The following TPP2 variants were observed in gnomAD, a reference collection of about 807,000 sequenced individuals.
TPP2 encodes the protein tripeptidyl peptidase 2, also known as tripeptidyl-peptidase 2.
A neutral mutation model predicts 155.9 loss-of-function variants in TPP2; 34 were observed. The ratio of observed to expected loss-of-function variants is 0.22; its 90% CI spans 0.17 to 0.29. TPP2 has a LOEUF of 0.29. Among genes scored for constraint, TPP2 ranks in the 10% least tolerant of loss-of-function variants. The pLI is 1.00. For synonymous variants in TPP2, 510 were observed against 529.4 expected (o/e 0.96, Z 0.50); for missense variants, 1,028 against 1,522.3 (o/e 0.68, Z 5.40).
chr13:102,622,665 T>G (rs112403619), intron 5 of TPP2, among the ~76,000 whole-genome samples: 7 of 152,264 alleles, frequency 4.6e-5, no homozygotes, highest in African/African-American at 1.7e-4. Flanking sequence ...TTTAAAGCAC[T>G]TTGTGCATGA....
intron 25 of TPP2, 56 bp from the exon 26 acceptor site, chr13:102,663,592 C>A: frequency 8.0e-7 from 1 of 1,243,724 alleles, no homozygotes; most frequent in Middle Eastern, 2.2e-4. Flanking sequence ...ATAGAGAAGA[C>A]AAATAGTCTT....
rs370978141 is a variant in TPP2 at position 102,636,371 on chromosome 13, C to T, written c.1657C>T (p.Pro553Ser). ...APSDHGVGIE[P>S]VFPENTENSE... ...TTCAGATCATGGCGTTGGCATTGAACCTGTATTTCCGGAGAACACAGGTCA... is the reference window on the plus strand; with the variant it reads ...TTCAGATCATGGCGTTGGCATTGAATCTGTATTTCCGGAGAACACAGGTCA... Residue 553 changes from proline to serine, a missense_variant, in exon 13 of 30, where the codon CCT becomes TCT. By Grantham distance (74) the Pro-to-Ser change is moderately conservative. Coordinates refer to ENST00000376052, the MANE Select transcript of TPP2 (RefSeq NM_001330588.2). The T allele has an allele frequency of 2.8e-5, 45 of 1,612,776 alleles. No individual in the cohort carries two copies. Among genetic ancestry groups the T allele is most frequent in the Non-Finnish European group, 3.7e-5 (44 of 1,179,626 alleles).
At chr13:102,607,355 A>G (rs1038956918) in intron 2 of TPP2, among the ~76,000 whole-genome samples, 3 of 152,176 alleles carry the variant, frequency 2.0e-5, no homozygotes, top group Admixed American at 2.0e-4. Context: ...TGCCAACATG[A>G]CACTCAAAGG....
chr13:102,664,892 C>T lies in TPP2; in HGVS notation c.3338C>T (p.Thr1113Ile). ...CTAGCAGTTTATATTGCAATGAAGA[C>T]TGATCCCAGGCCTGATGCAGCTACT... ...TALAVYIAMK[T>I]DPRPDAATIK... Residue 1113 changes from threonine (T) to isoleucine (I), a missense_variant, in exon 27 of 30, where the codon ACT (threonine) becomes ATT (isoleucine). Physicochemically the swap from Thr to Ile is moderately conservative, Grantham distance 89. Around this residue, in one of 7 missense-constraint regions of TPP2, gnomAD observed 116 missense variants for 117.3 expected, o/e 0.99. Transcript: ENST00000376052. The T allele has an allele frequency of 1.2e-6, 2 of 1,613,718 alleles. No individual in the cohort carries two copies. The highest frequency in any genetic ancestry group is 1.1e-5 in the South Asian group (1 of 91,028).
In TPP2 at chr13:102,648,956, G is replaced by A; in HGVS notation, c.2678G>A (p.Arg893His). The A allele has an allele frequency of 1.9e-6, 3 of 1,612,938 alleles. No homozygotes were observed. The highest frequency in any genetic ancestry group is 2.5e-6 in the Non-Finnish European group (3 of 1,179,690). The change falls in exon 22 of 30, where the codon CGC becomes CAC. Residue 893 changes from arginine to histidine, a missense_variant. Coordinates refer to ENST00000376052, the MANE Select transcript of TPP2 (RefSeq NM_001330588.2). The stretch of plus-strand genomic sequence containing the variant: ...GATTATACAATTCGACTACAGATTC[G>A]CCATGAGCAAATCAGTGATTTGGAA... The part of the protein sequence containing the change: ...KGDYTIRLQI[R>H]HEQISDLERL...
At chr13:102,603,489 A>G (rs771526399) in intron 1 of TPP2, among the ~76,000 whole-genome samples, 9 of 152,192 alleles carry the variant, frequency 5.9e-5, no homozygotes, top group East Asian at 1.9e-4. Context: ...AATCCTGTGG[A>G]ACAACTGAAG....
chr13:102,627,078 G>C lies in TPP2; in HGVS notation c.851G>C (p.Gly284Ala). ...GHFPEEPERN[G>A]VAPGAQILSI... ...TTTCCAGAAGAACCTGAACGGAATGGGGTAGCTCCTGGTGCTCAAATTCTT... is the reference window on the plus strand; with the variant it reads ...TTTCCAGAAGAACCTGAACGGAATGCGGTAGCTCCTGGTGCTCAAATTCTT... Residue 284 changes from glycine (G) to alanine (A), a missense_variant, in exon 7 of 30, where the codon GGG (glycine) becomes GCG (alanine). Physicochemically the swap from Gly to Ala is moderately conservative, Grantham distance 60 (BLOSUM62 0). Around this residue, in one of 7 missense-constraint regions of TPP2, gnomAD observed 300 missense variants for 398.3 expected, o/e 0.75. Coordinates refer to ENST00000376052, the MANE Select transcript of TPP2 (RefSeq NM_001330588.2). 1 of 1,599,736 alleles carries C rather than the reference G, an allele frequency of 6.3e-7. No individual in the cohort carries two copies.
chr13:102,609,779 G>A (rs555137245), intron 2 of TPP2, among the ~76,000 whole-genome samples: 1 of 152,074 alleles, frequency 6.6e-6, no homozygotes, highest in Non-Finnish European at 1.5e-5. Flanking sequence ...CCATGATCCA[G>A]TCACCTCCCA....
intron 2 of TPP2, among the ~76,000 whole-genome samples, chr13:102,610,353 C>G (rs1880189716): frequency 6.6e-6 from 1 of 152,118 alleles, no homozygotes; most frequent in African/African-American, 2.4e-5. Flanking sequence ...CTCAGCCTCC[C>G]AAGTCGCTGG....
chr13:102,616,454 G>A lies in TPP2; in HGVS notation c.449G>A (p.Cys150Tyr). The A allele has an allele frequency of 6.2e-7, 1 of 1,612,628 alleles. No individual in the cohort carries two copies. The highest frequency in any genetic ancestry group is 8.5e-7 in the Non-Finnish European group (1 of 1,179,340). The stretch of plus-strand genomic sequence containing the variant: ...CACAGAGTGGCCCTTGCAGAAGCCT[G>A]TAGAAAACAGGAAGAATTTGATGTT... ...PVHRVALAEACRKQEEFDVAN... is the reference protein window; with the variant it reads ...PVHRVALAEAYRKQEEFDVAN... Residue 150 changes from cysteine to tyrosine, a missense_variant, in exon 4 of 30, where the codon TGT becomes TAT. Physicochemically the swap from Cys to Tyr is radical, Grantham distance 194. Coordinates refer to ENST00000376052, the MANE Select transcript of TPP2 (RefSeq NM_001330588.2).
chr13:102,672,055 C>T (rs1325301742), intron 27 of TPP2, among the ~76,000 whole-genome samples: 2 of 152,098 alleles, frequency 1.3e-5, no homozygotes, highest in Non-Finnish European at 2.9e-5. Flanking sequence ...TCGAGGGTTC[C>T]ATTGTGATCC....
In TPP2 at chr13:102,678,215, ATTT is replaced by A; in HGVS notation, c.3700-10_3700-8del. 6.2e-7 allele frequency: 1 copy of A among 1,603,032 alleles called. No homozygotes were observed. Among genetic ancestry groups the A allele is most frequent in the Non-Finnish European group, 8.5e-7 (1 of 1,175,686 alleles). ...TTCCTTTATAATAATATATTATTGT[ATTT>A]TGTTGTAGCTGATGAAGTTACTTGG... On this transcript the variant is annotated splice_polypyrimidine_tract_variant and intron_variant, in intron 29 of 29. Transcript: ENST00000376052.
chr13:102,640,641 A>ATTTTTTTTTTTTTTT (rs5806315), intron 16 of TPP2, among the ~76,000 whole-genome samples: 5 of 84,234 alleles, frequency 5.9e-5, no homozygotes, highest in South Asian at 4.6e-4. Context: ...CCTGGTAATA[A>ATTTTTTTTTTTTTTT]TTTTTTTTTT....
intron 10 of TPP2, among the ~76,000 whole-genome samples, chr13:102,631,082 C>A (rs142939551): frequency 6.1e-4 from 93 of 152,112 alleles, no homozygotes; most frequent in African/African-American, 2.2e-3. Context: ...GTTCTATATG[C>A]CAAGAATAAC....
chr13:102,629,380 A>G (rs1881865171), intron 8 of TPP2, 102 bp from the exon 9 acceptor site: 1 of 1,333,930 alleles, frequency 7.5e-7, no homozygotes, highest in Admixed American at 3.1e-5. Flanking sequence ...GGGTGGATGT[A>G]CCAAAATTTA....
At chr13:102,639,037 A>G in intron 15 of TPP2, among the ~76,000 whole-genome samples, 1 of 152,206 alleles carries the variant, frequency 6.6e-6, no homozygotes, top group Non-Finnish European at 1.5e-5. Flanking sequence ...CTGTCTCTTC[A>G]GTTAATGACC....
intron 26 of TPP2, 55 bp downstream of exon 26, chr13:102,663,799 T>C: frequency 7.4e-6 from 10 of 1,358,770 alleles, no homozygotes; most frequent in Non-Finnish European, 9.9e-6. Context: ...TATAAGTTTG[T>C]GTTTTGAGGA....
chr13:102,614,069 G>T, intron 2 of TPP2, 32 bp from the exon 3 acceptor site: 2 of 1,590,624 alleles, frequency 1.3e-6, no homozygotes, highest in African/African-American at 2.7e-5. Context: ...AGCATTTAGT[G>T]AATGAACAGG....
intron 4 of TPP2, among the ~76,000 whole-genome samples, chr13:102,618,015 C>T (rs1413877933): frequency 1.3e-5 from 2 of 152,170 alleles, no homozygotes; most frequent in Non-Finnish European, 2.9e-5. Flanking sequence ...TATCTCCCAG[C>T]TTATTTCTGT....
Sources: gnomAD v4.1 joint callset for allele counts (sites outside exome capture counted in the v4.1 genomes callset) on GRCh38, gnomAD v4.1.1 for gene constraint, gnomAD v4.1.1 regional missense constraint, MANE v1.5 for transcripts, NCBI Gene and HGNC (gene_info 2026-07-23, HGNC 2026-07-21) for gene names.